Variants in DYM observed in about 807,000 individuals in gnomAD.
The protein encoded by DYM is dyggve-Melchior-Clausen syndrome protein.
A neutral mutation model predicts 93.1 loss-of-function variants in DYM; 78 were observed. The ratio of observed to expected loss-of-function variants is 0.84; its 90% CI spans 0.70 to 1.01. The LOEUF is 1.01. Ranked by LOEUF, DYM falls within the 50% of genes least tolerant of loss-of-function variation. The probability of loss-of-function intolerance (pLI) is 0.00; values close to 1 mark genes in which losing one functional copy is unlikely to be tolerated. For synonymous variants in DYM, 321 were observed against 319.7 expected, an observed-to-expected ratio of 1.00 and a Z score of -0.04; for missense variants, 789 against 845.0, an observed-to-expected ratio of 0.93 and a Z score of 0.82.
At chr18:49,234,110 C>G (rs2093789400) in intron 13 of DYM, among the ~76,000 whole-genome samples, 1 of 151,918 alleles carries the variant, frequency 6.6e-6, no homozygotes, top group Non-Finnish European at 1.5e-5. Flanking sequence ...GCCTGGGTAA[C>G]AGAGCAAGAC....
intron 8 of DYM, among the ~76,000 whole-genome samples, chr18:49,301,800 T>C (rs1196012817): frequency 6.6e-6 from 1 of 152,198 alleles, no homozygotes; most frequent in Non-Finnish European, 1.5e-5. Context: ...GTATGCATAA[T>C]CCAGCCTGAT....
At chr18:49,314,902 T>C (rs2061828077) in intron 8 of DYM, among the ~76,000 whole-genome samples, 1 of 152,176 alleles carries the variant, frequency 6.6e-6, no homozygotes, top group African/African-American at 2.4e-5. Context: ...GCAATCATGT[T>C]TACTAAGATT....
At chr18:49,086,439 T>A (rs1333423272) in intron 17 of DYM, among the ~76,000 whole-genome samples, 4 of 152,200 alleles carry the variant, frequency 2.6e-5, no homozygotes, top group Non-Finnish European at 5.9e-5. Flanking sequence ...AGCAGAGCCC[T>A]CATGATCCAA....
intron 14 of DYM, among the ~76,000 whole-genome samples, chr18:49,186,484 C>T (rs1460104971): frequency 2.6e-5 from 4 of 152,080 alleles, no homozygotes; most frequent in Admixed American, 1.3e-4. Context: ...TTATGCCACC[C>T]CCTACGCTTG....
At chr18:49,426,107 T>G (rs1386011713) in intron 2 of DYM, among the ~76,000 whole-genome samples, 1 of 152,098 alleles carries the variant, frequency 6.6e-6, no homozygotes, top group Non-Finnish European at 1.5e-5. Flanking sequence ...ATATGTTTAT[T>G]GTGGCACTAT....
intron 8 of DYM, among the ~76,000 whole-genome samples, chr18:49,305,292 G>C (rs143334086): frequency 1.3e-5 from 2 of 152,194 alleles, no homozygotes; most frequent in Non-Finnish European, 2.9e-5. Flanking sequence ...ACATATAGCT[G>C]AAGAACAATA....
rs563065982 is a variant in DYM at position 49,073,688 on chromosome 18, G to T, written c.2025+23714C>A. ...AACAAGGACATGCTGGAGGTCTACA[G>T]AGAGGCTGAGGCTAATTTCACCCAC... On this transcript the variant is annotated intron_variant, in intron 17 of 17. Transcript: ENST00000675505. 2.4e-4 allele frequency among the ~76,000 whole-genome samples: 36 copies of T among 152,328 alleles called. No homozygotes were observed. In the South Asian group the frequency reaches 7.5e-3, roughly 32 times the overall value.
At chr18:49,433,002 T>C (rs1324320237) in intron 1 of DYM, among the ~76,000 whole-genome samples, 3 of 152,056 alleles carry the variant, frequency 2.0e-5, no homozygotes, top group Non-Finnish European at 4.4e-5. Context: ...TCAAAAGACC[T>C]CCCAGGAACC....
chr18:49,114,154 C>T lies in DYM; in HGVS notation c.1911+4590G>A, dbSNP rs535112586. 2.6e-5 allele frequency among the ~76,000 whole-genome samples: 4 copies of T among 152,350 alleles called. 1 individual carries two copies. Among genetic ancestry groups the T allele is most frequent in the African/African-American group, 9.6e-5 (4 of 41,576 alleles). ...CTTAGGCAGGAATGTATATTAATAG[C>T]ATCTGAGAAACCTCTCAGCATCTTT... On this transcript the variant is annotated intron_variant, in intron 16 of 17. Coordinates refer to ENST00000675505, the MANE Select transcript of DYM (RefSeq NM_001353214.3).
At chr18:49,314,587 T>C (rs939139366) in intron 8 of DYM, among the ~76,000 whole-genome samples, 1 of 152,254 alleles carries the variant, frequency 6.6e-6, no homozygotes, top group South Asian at 2.1e-4. Flanking sequence ...TATTTCCTAT[T>C]GGCACACTGC....
At chr18:49,108,183 A>G (rs551189274) in intron 16 of DYM, among the ~76,000 whole-genome samples, 7 of 152,236 alleles carry the variant, frequency 4.6e-5, no homozygotes, top group Admixed American at 2.6e-4. Flanking sequence ...GCGAGGCTCC[A>G]TGGGTGTAGG....
At chr18:49,450,294 A>G (rs1260032184) in intron 1 of DYM, among the ~76,000 whole-genome samples, 2 of 152,250 alleles carry the variant, frequency 1.3e-5, no homozygotes, top group African/African-American at 4.8e-5. Flanking sequence ...ACTTCACCCC[A>G]TGGTCATTGG....
At chr18:49,318,129 A>G (rs921492491) in intron 8 of DYM, among the ~76,000 whole-genome samples, 1 of 152,158 alleles carries the variant, frequency 6.6e-6, no homozygotes, top group Admixed American at 6.5e-5. Context: ...TCATGACCAC[A>G]ATGTTTCTCC....
intron 16 of DYM, among the ~76,000 whole-genome samples, chr18:49,101,131 T>G (rs113760097): frequency 1.6e-4 from 25 of 152,206 alleles, no homozygotes; most frequent in Admixed American, 4.6e-4. Flanking sequence ...TCCATTTGTA[T>G]AGCAACCATT....
chr18:49,396,870 C>T (rs1398059355), intron 2 of DYM, among the ~76,000 whole-genome samples: 3 of 152,026 alleles, frequency 2.0e-5, no homozygotes, highest in African/African-American at 7.2e-5. Context: ...AAAAGTTGAT[C>T]CCATAGAGAT....
At position 49,258,431 on chromosome 18, in the gene DYM, G is replaced by A; in HGVS notation, c.1314C>T (p.Leu438=). 1.2e-6 allele frequency: 2 copies of A among 1,613,644 alleles called. No homozygotes were observed. Among genetic ancestry groups the A allele is most frequent in the African/African-American group, 1.3e-5 (1 of 75,044 alleles). The change falls in exon 12 of 18, where the codon CTC becomes CTT. Residue 438 remains leucine, a synonymous_variant. Coordinates refer to ENST00000675505, the MANE Select transcript of DYM (RefSeq NM_001353214.3). ...RVLTEISLGS[L]LILVVIRTIQ... is the part of the protein sequence containing the mutation. ...TGGTTCTTATTACCACCAGGATCAG[G>A]AGACTCCCCAAGGAGATTTCAGTTA...
In DYM at chr18:49,398,855, T is replaced by C. The variant is rs932288939; in HGVS notation, c.141-7210A>G. 2.6e-5 allele frequency among the ~76,000 whole-genome samples: 4 copies of C among 152,330 alleles called. No individual in the cohort carries two copies. In the East Asian group the frequency reaches 7.7e-4, roughly 29 times the overall value. On this transcript the variant is annotated intron_variant, in intron 2 of 17. Coordinates refer to ENST00000675505, the MANE Select transcript of DYM (RefSeq NM_001353214.3). ...GGGAACTATGAATTACTCGGTTTAT[T>C]GGTTACTCAGACAAAAAGTAAAAGA...
intron 15 of DYM, among the ~76,000 whole-genome samples, chr18:49,119,893 G>A (rs2146005331): frequency 6.6e-6 from 1 of 152,044 alleles, no homozygotes; most frequent in African/African-American, 2.4e-5. Flanking sequence ...TTCGAGACCA[G>A]CCTGGGCAAC....
chr18:49,407,546 G>A (rs2071647764), intron 2 of DYM, among the ~76,000 whole-genome samples: 2 of 152,154 alleles, frequency 1.3e-5, no homozygotes, highest in South Asian at 4.1e-4. Flanking sequence ...AGAAGCAAGA[G>A]AGAGAAAGGA....
Sources: gnomAD v4.1 joint callset for allele counts (sites outside exome capture counted in the v4.1 genomes callset) on GRCh38, gnomAD v4.1.1 for gene constraint, MANE v1.5 for transcripts, NCBI Gene and HGNC (gene_info 2026-07-23, HGNC 2026-07-21) for gene names.